HSPA4: variants seen among roughly 807,000 people sequenced by gnomAD.
HSPA4 encodes heat shock protein family A (Hsp70) member 4.
In HSPA4, 25 loss-of-function variants were observed where a neutral mutation model predicts 106.2. That is an observed-to-expected ratio of 0.24 (90% CI 0.17 to 0.33). The LOEUF is 0.33. HSPA4 is among the 10% of genes least tolerant of loss of function. The pLI, the probability that HSPA4 is intolerant of heterozygous loss-of-function variation, is 1.00. For missense variants in HSPA4, 841 were observed against 996.0 expected (o/e 0.84, Z 2.10); for synonymous variants, 332 against 333.6 (o/e 1.00, Z 0.05).
intron 11 of HSPA4, chr5:133,090,973 G>A: frequency 3.3e-6 from 2 of 607,394 alleles, no homozygotes; most frequent in South Asian, 3.3e-5. Flanking sequence ...AGATATTTGA[G>A]TTCTTAATTG....
chr5:133,103,988 C>T lies in HSPA4; in HGVS notation c.2281C>T (p.Pro761Ser). ...GAACAAGCAGAGTTTGACCATGGAT[C>T]CAGTTGTCAAGTCAAAAGAGATTGA... ...LQNKQSLTMD[P>S]VVKSKEIEAK... Residue 761 changes from proline (P) to serine (S), a missense_variant, in exon 18 of 19, where the codon CCA becomes TCA. Pro to Ser is a moderately conservative substitution (Grantham distance 74, BLOSUM62 -1). Coordinates refer to ENST00000304858, the MANE Select transcript of HSPA4 (RefSeq NM_002154.4). The T allele has an allele frequency of 6.2e-7, 1 of 1,613,524 alleles. No homozygotes were observed. The highest frequency in any genetic ancestry group is 1.1e-5 in the South Asian group (1 of 90,912).
In HSPA4 at chr5:133,070,393, A is replaced by G; in HGVS notation, c.326A>G (p.Glu109Gly). ...TTGCAGGTGACATATATGGAGGAAG[A>G]GCGAAATTTTACCACTGAGCAAGTG... ...TGIKVTYMEE[E>G]RNFTTEQVTA... Residue 109 changes from glutamate to glycine, a missense_variant, in exon 4 of 19, where the codon GAG (glutamate) becomes GGG (glycine). By Grantham distance (98) the Glu-to-Gly change is moderately conservative. Transcript: ENST00000304858. 1 of 1,611,034 alleles carries G rather than the reference A, an allele frequency of 6.2e-7. No individual in the cohort carries two copies. The highest frequency in any genetic ancestry group is 8.5e-7 in the Non-Finnish European group (1 of 1,179,246).
chr5:133,053,587 C>T (rs6867581), intron 1 of HSPA4, among the ~76,000 whole-genome samples: 33,125 of 151,844 alleles, frequency 0.22, 3,761 homozygotes, highest in South Asian at 0.26. Flanking sequence ...TGGACTCAAG[C>T]AGTCCTCCAG....
chr5:133,101,920 A>T, intron 17 of HSPA4, 42 bp downstream of exon 17: 2 of 1,174,488 alleles, frequency 1.7e-6, no homozygotes, highest in Non-Finnish European at 1.1e-6. Flanking sequence ...AGTAAAGTTA[A>T]CTTTTTTTTT....
rs1251063032 is a variant in HSPA4, at chr5:133,066,724, CTTTTCTT to C, written c.166-681_166-675del. Among the ~76,000 whole-genome samples the C allele has an allele frequency of 2.7e-3, 365 of 137,692 alleles. 1 individual carries two copies. The highest frequency in any genetic ancestry group is 0.018 in the South Asian group (79 of 4,358). The allele number at this position is 137,692 out of a possible 152,430, so 90.3% of individuals were successfully genotyped here. A position where few individuals can be genotyped will look rare whatever the true frequency, so the allele number is the denominator to read the frequency against. On this transcript the variant is annotated intron_variant, in intron 2 of 18. Coordinates refer to ENST00000304858, the MANE Select transcript of HSPA4 (RefSeq NM_002154.4). ...AATTTGTTTCACTGGAATTTTTTTTCTTTTCTTTTTTCTTTTTTTTTTTTTTTTTGAG... is the reference window on the plus strand; with the variant it reads ...AATTTGTTTCACTGGAATTTTTTTTCTTTTCTTTTTTTTTTTTTTTTTGAG...
intron 4 of HSPA4, among the ~76,000 whole-genome samples, chr5:133,072,597 G>A (rs1039499118): frequency 6.6e-6 from 1 of 150,478 alleles, no homozygotes; most frequent in African/African-American, 2.4e-5. Context: ...TGTAGAGATG[G>A]GGTTTCACCA....
At chr5:133,062,346 G>A (rs957291932) in intron 1 of HSPA4, among the ~76,000 whole-genome samples, 1 of 152,172 alleles carries the variant, frequency 6.6e-6, no homozygotes, top group Admixed American at 6.5e-5. Context: ...AATGGAAGAT[G>A]AGTAACATTG....
intron 6 of HSPA4, among the ~76,000 whole-genome samples, chr5:133,075,407 C>T (rs1765435791): frequency 1.3e-5 from 2 of 152,138 alleles, no homozygotes; most frequent in African/African-American, 2.4e-5. Flanking sequence ...TCTGTGTTAC[C>T]TGTCACCTGT....
At chr5:133,099,890 A>G (rs536636883) in intron 16 of HSPA4, among the ~76,000 whole-genome samples, 3 of 152,324 alleles carry the variant, frequency 2.0e-5, no homozygotes, top group Admixed American at 1.3e-4. Flanking sequence ...CTGGATGTTT[A>G]GTGCATTCTT....
At chr5:133,101,709 A>C in intron 16 of HSPA4, 50 bp from the exon 17 acceptor site, 1 of 1,570,822 alleles carries the variant, frequency 6.4e-7, no homozygotes. Context: ...TGGAATCAGT[A>C]CTCTGGATCG....
intron 1 of HSPA4, among the ~76,000 whole-genome samples, chr5:133,063,048 C>T (rs1190500136): frequency 6.6e-6 from 1 of 152,142 alleles, no homozygotes; most frequent in Non-Finnish European, 1.5e-5. Context: ...CACCTAGAGT[C>T]CTGACTTCAT....
At chr5:133,052,794 C>G (rs1352292490) in intron 1 of HSPA4, 1 of 154,974 alleles carries the variant, frequency 6.5e-6, no homozygotes, top group African/African-American at 2.4e-5. Flanking sequence ...CGAACGGGTT[C>G]TGGGGCTTGC....
At chr5:133,076,619 T>C in intron 6 of HSPA4, 35 bp from the exon 7 acceptor site, 3 of 1,589,708 alleles carry the variant, frequency 1.9e-6, no homozygotes, top group Non-Finnish European at 2.6e-6. Flanking sequence ...AATCGATTGG[T>C]TAATTGTTAG....
At chr5:133,064,785 C>T (rs1765287842) in intron 1 of HSPA4, among the ~76,000 whole-genome samples, 195 bp from the exon 2 acceptor site, 1 of 152,142 alleles carries the variant, frequency 6.6e-6, no homozygotes, top group Non-Finnish European at 1.5e-5. Context: ...TGTGCTCCAG[C>T]ATGTAAATGA....
At chr5:133,060,918 G>A (rs769294444) in intron 1 of HSPA4, among the ~76,000 whole-genome samples, 5 of 147,378 alleles carry the variant, frequency 3.4e-5, no homozygotes, top group African/African-American at 5.1e-5. Context: ...TGCAAGAACT[G>A]AGTTTTAAAT....
In HSPA4 at chr5:133,061,439, G is replaced by C. The variant is rs1231028542; in HGVS notation, c.108-3541G>C. On this transcript the variant is annotated intron_variant, in intron 1 of 18. Coordinates refer to ENST00000304858, the MANE Select transcript of HSPA4 (RefSeq NM_002154.4). ...GCCCGGCCGTGTTTTCTAAGTTGCTGTTCATGACTTCTTCCAACCCCTGAT... is the reference window on the plus strand; with the variant it reads ...GCCCGGCCGTGTTTTCTAAGTTGCTCTTCATGACTTCTTCCAACCCCTGAT... 2.0e-5 allele frequency among the ~76,000 whole-genome samples: 3 copies of C among 149,014 alleles called. No individual in the cohort carries two copies. The East Asian group carries it at 5.9e-4, about 29-fold the overall frequency.
chr5:133,092,796 A>G lies in HSPA4; in HGVS notation c.1650+7A>G, dbSNP rs547349192. The G allele has an allele frequency of 1.6e-4, 135 of 834,498 alleles. 1 individual carries two copies. In the East Asian group the frequency reaches 2.7e-3, roughly 17 times the overall value. The allele number at this position is 834,498 out of a possible 1,614,324, so 51.7% of individuals were successfully genotyped here. ...AGAGTCTGAAGAAATGGAGGTATGC[A>G]TTGGGTGGTGTTTTTTTTTTTTTTT... On this transcript the variant is annotated splice_region_variant and intron_variant, in intron 13 of 18. Coordinates refer to ENST00000304858, the MANE Select transcript of HSPA4 (RefSeq NM_002154.4).
At chr5:133,063,605 G>T (rs1193920404) in intron 1 of HSPA4, among the ~76,000 whole-genome samples, 3 of 151,496 alleles carry the variant, frequency 2.0e-5, no homozygotes, top group African/African-American at 7.3e-5. Flanking sequence ...TAATTTTTTT[G>T]TATTTTTAGT....
In HSPA4 at chr5:133,084,956, C is replaced by T. The variant is rs148771512; in HGVS notation, c.909-1826C>T. Among the ~76,000 whole-genome samples the T allele has an allele frequency of 6.5e-3, 993 of 151,952 alleles. 14 individuals are homozygous for T. The highest frequency in any genetic ancestry group is 0.023 in the African/African-American group (940 of 41,394). The stretch of plus-strand genomic sequence containing the variant: ...CTGGGTAGCTGAGACTACAGGTGTG[C>T]GCCACCATGCCTGGCTAATTTCTTG... On this transcript the variant is annotated intron_variant, in intron 7 of 18. Transcript: ENST00000304858.
Sources: gnomAD v4.1 joint callset for allele counts (sites outside exome capture counted in the v4.1 genomes callset) on GRCh38, gnomAD v4.1.1 for gene constraint, MANE v1.5 for transcripts, NCBI Gene and HGNC (gene_info 2026-07-23, HGNC 2026-07-21) for gene names.